GRM8: variants seen among roughly 807,000 people sequenced by gnomAD.
GRM8 encodes the protein glutamate metabotropic receptor 8, also known as metabotropic glutamate receptor 8.
Under a neutral mutation model 87.2 loss-of-function variants are expected in GRM8, and 47 were observed. The observed-to-expected ratio is 0.54, with a 90% CI of 0.43 to 0.69. The LOEUF (loss-of-function observed/expected upper bound fraction) is 0.69, where lower values mean the gene tolerates loss of function less well. Among genes scored for constraint, GRM8 ranks in the 30% least tolerant of loss-of-function variants. The pLI, the probability that GRM8 is intolerant of heterozygous loss-of-function variation, is 0.00. For synonymous variants in GRM8, 396 were observed against 404.5 expected (o/e 0.98, Z 0.25); for missense variants, 1,019 against 1,139.2 (o/e 0.89, Z 1.52).
At chr7:126,856,824 T>C (rs1274492833) in intron 6 of GRM8, among the ~76,000 whole-genome samples, 1 of 152,200 alleles carries the variant, frequency 6.6e-6, no homozygotes, top group Non-Finnish European at 1.5e-5. Context: ...CAAAGTGACA[T>C]ATTATCCACT....
intron 7 of GRM8, among the ~76,000 whole-genome samples, chr7:126,703,451 C>A (rs562897071): frequency 1.3e-5 from 2 of 152,100 alleles, no homozygotes; most frequent in Non-Finnish European, 2.9e-5. Flanking sequence ...TAAGAATCTG[C>A]AAAGGAACAG....
chr7:127,113,365 T>C (rs759765973), intron 2 of GRM8, among the ~76,000 whole-genome samples: 2 of 152,188 alleles, frequency 1.3e-5, no homozygotes, highest in Non-Finnish European at 2.9e-5. Context: ...CTAGGAAATT[T>C]CAATCTTTCT....
chr7:127,071,286 A>G (rs1821658507), intron 3 of GRM8, among the ~76,000 whole-genome samples: 1 of 152,220 alleles, frequency 6.6e-6, no homozygotes, highest in Non-Finnish European at 1.5e-5. Context: ...AAAATGTCCT[A>G]GTTTTTCAAC....
intron 2 of GRM8, among the ~76,000 whole-genome samples, chr7:127,224,304 A>C (rs183893780): frequency 6.6e-6 from 1 of 152,360 alleles, no homozygotes; most frequent in Non-Finnish European, 1.5e-5. Flanking sequence ...CAGTAGCCAG[A>C]GAGAAATGAT....
chr7:126,785,706 G>T (rs970097180), intron 6 of GRM8, among the ~76,000 whole-genome samples: 8 of 151,986 alleles, frequency 5.3e-5, no homozygotes, highest in African/African-American at 1.9e-4. Flanking sequence ...CCTGTCACCT[G>T]GAACCAGGAG....
At chr7:127,238,384 T>C (rs1043126503) in intron 2 of GRM8, among the ~76,000 whole-genome samples, 1 of 151,998 alleles carries the variant, frequency 6.6e-6, no homozygotes, top group Admixed American at 6.6e-5. Flanking sequence ...ATTAAATTCT[T>C]GTTCTGTAAC....
chr7:126,614,373 T>C (rs1484359850), intron 7 of GRM8, among the ~76,000 whole-genome samples: 1 of 152,048 alleles, frequency 6.6e-6, no homozygotes, highest in Admixed American at 6.6e-5. Flanking sequence ...AAACCACATC[T>C]GTACATCACC....
At chr7:126,877,089 T>C (rs1443566710) in intron 6 of GRM8, among the ~76,000 whole-genome samples, 1 of 152,194 alleles carries the variant, frequency 6.6e-6, no homozygotes, top group Non-Finnish European at 1.5e-5. Flanking sequence ...CAAATTTTTT[T>C]CCCATACCCA....
At chr7:126,489,312 T>A (rs1290792505) in intron 9 of GRM8, among the ~76,000 whole-genome samples, 3 of 152,058 alleles carry the variant, frequency 2.0e-5, no homozygotes, top group Admixed American at 6.6e-5. Context: ...TAACTGCAAA[T>A]CAATATCAGC....
chr7:127,100,741 C>A (rs1825160483), intron 3 of GRM8, among the ~76,000 whole-genome samples: 1 of 151,176 alleles, frequency 6.6e-6, no homozygotes, highest in Non-Finnish European at 1.5e-5. Flanking sequence ...AAACCACTCC[C>A]ATGATTCAAT....
intron 7 of GRM8, among the ~76,000 whole-genome samples, chr7:126,667,510 G>C (rs1436942261): frequency 2.6e-5 from 4 of 152,154 alleles, no homozygotes; most frequent in African/African-American, 9.7e-5. Context: ...TTTTGTAATT[G>C]ATCAAACCAC....
chr7:126,734,931 G>T (rs1814027452), intron 7 of GRM8, among the ~76,000 whole-genome samples: 1 of 151,978 alleles, frequency 6.6e-6, no homozygotes. Flanking sequence ...TCAAGGGAGG[G>T]TTTGCTTATT....
chr7:126,687,167 T>C (rs922370398), intron 7 of GRM8, among the ~76,000 whole-genome samples: 3 of 152,228 alleles, frequency 2.0e-5, no homozygotes, highest in Non-Finnish European at 4.4e-5. Flanking sequence ...CACACATGTA[T>C]GTGCCCCGCT....
intron 8 of GRM8, among the ~76,000 whole-genome samples, chr7:126,587,881 A>T (rs962159747): frequency 1.1e-4 from 16 of 151,434 alleles, no homozygotes; most frequent in African/African-American, 3.9e-4. Context: ...AGAGTTTACT[A>T]AATTTATGTA....
intron 7 of GRM8, among the ~76,000 whole-genome samples, chr7:126,654,951 C>T (rs1460946083): frequency 6.6e-6 from 1 of 151,978 alleles, no homozygotes; most frequent in Non-Finnish European, 1.5e-5. Context: ...TCAGGAAGAG[C>T]CACAGGGAAC....
chr7:126,775,500 T>G (rs987590820), intron 6 of GRM8, among the ~76,000 whole-genome samples: 1 of 147,710 alleles, frequency 6.8e-6, no homozygotes, highest in Non-Finnish European at 1.5e-5. Context: ...TTTTTTTTTT[T>G]TTTTTTTTAC....
chr7:126,538,046 T>C (rs532872810), intron 8 of GRM8, among the ~76,000 whole-genome samples: 45 of 152,320 alleles, frequency 3.0e-4, no homozygotes, highest in Admixed American at 1.2e-3. Flanking sequence ...GTTATATAGA[T>C]AGATCTTCCA....
At chr7:126,864,581 A>G (rs1164434285) in intron 6 of GRM8, among the ~76,000 whole-genome samples, 4 of 152,108 alleles carry the variant, frequency 2.6e-5, no homozygotes, top group South Asian at 2.1e-4. Context: ...ATATACATAT[A>G]TACCTATGTA....
At chr7:127,020,490 T>G (rs771475585) in intron 3 of GRM8, among the ~76,000 whole-genome samples, 1 of 152,020 alleles carries the variant, frequency 6.6e-6, no homozygotes, top group Non-Finnish European at 1.5e-5. Context: ...CCCTGATGAG[T>G]TGTCTTTCTG....
Sources: allele counts gnomAD v4.1 joint callset (sites outside exome capture counted in the v4.1 genomes callset), GRCh38; gene constraint gnomAD v4.1.1; transcripts MANE v1.5; gene names NCBI Gene and HGNC (gene_info 2026-07-23, HGNC 2026-07-21).